The following KCNQ1OT1 variants were observed in gnomAD, a reference collection of about 807,000 sequenced individuals.
KCNQ1OT1 encodes the protein KCNQ1 antisense RNA 2 (non-protein coding).
At position 2,659,224 on chromosome 11, in the gene KCNQ1OT1, C is replaced by A. The variant is rs1321383366; in HGVS notation, n.40771G>T. The A allele has an allele frequency of 2.5e-6, 1 of 398,488 alleles. No homozygotes were observed. Among genetic ancestry groups the A allele is most frequent in the Non-Finnish European group, 4.4e-6 (1 of 226,058 alleles). The allele number at this position is 398,488 out of a possible 1,614,324, so 24.7% of individuals were successfully genotyped here. On this transcript the variant is annotated non_coding_transcript_exon_variant, in exon 1 of 1. Transcript: ENST00000597346. The surrounding 1 kb of genome is among the most constrained non-coding windows in gnomAD (Gnocchi z 4.3). ...CAGTATCATTCACAGAAGTTCCATA[C>A]CCCTAAAAATACCCTGGGGTGAGTC...
In KCNQ1OT1 at chr11:2,659,910, G is replaced by A. The variant is rs1849920860; in HGVS notation, n.40085C>T. The A allele has an allele frequency of 2.5e-6, 1 of 398,242 alleles. No homozygotes were observed. The highest frequency in any genetic ancestry group is 4.4e-5 in the Admixed American group (1 of 22,728). 24.7% of individuals were successfully genotyped at this position (398,242 alleles called of 1,614,324 possible). A position where few individuals can be genotyped will look rare whatever the true frequency, so the allele number is the denominator to read the frequency against. On this transcript the variant is annotated non_coding_transcript_exon_variant, in exon 1 of 1. Transcript: ENST00000597346. The surrounding 1 kb of genome is among the most constrained non-coding windows in gnomAD (Gnocchi z 4.3). Reference sequence around the variant, plus strand: ...GGATTGTTCACTTTATTGTCAAGTTGTAAGCATTCTTTATATATTCTGAGT... The same window carrying A: ...GGATTGTTCACTTTATTGTCAAGTTATAAGCATTCTTTATATATTCTGAGT...
At position 2,613,993 on chromosome 11, in the gene KCNQ1OT1, T is replaced by C. The variant is rs970351170; in HGVS notation, n.86002A>G. 5 of 398,524 alleles carry C rather than the reference T, an allele frequency of 1.3e-5. No individual in the cohort carries two copies. In the Admixed American group the frequency reaches 1.8e-4, roughly 14 times the overall value. 24.7% of individuals were successfully genotyped at this position (398,524 alleles called of 1,614,324 possible). On this transcript the variant is annotated non_coding_transcript_exon_variant, in exon 1 of 1. Coordinates refer to ENST00000597346, the Ensembl canonical transcript of KCNQ1OT1. The surrounding 1 kb of genome is among the most constrained non-coding windows in gnomAD (Gnocchi z 4.8). ...CACTCAACATCCATTCACAGAGATCTTTCTCATTGCATTGCTAAAGTTGCA... is the reference window on the plus strand; with the variant it reads ...CACTCAACATCCATTCACAGAGATCCTTCTCATTGCATTGCTAAAGTTGCA...
chr11:2,648,450 T>C, exon 1 of KCNQ1OT1: 1 of 398,544 alleles, frequency 2.5e-6, no homozygotes, highest in Non-Finnish European at 4.4e-6. Context: ...TTGTACCCTA[T>C]ACATTTTTGT....
rs975621899 is a variant in KCNQ1OT1 at position 2,695,801 on chromosome 11, T to C, written n.4194A>G. 4 of 398,680 alleles carry C rather than the reference T, an allele frequency of 1.0e-5. No individual in the cohort carries two copies. The highest frequency in any genetic ancestry group is 1.3e-4 in the South Asian group (1 of 7,866). 24.7% of individuals were successfully genotyped at this position (398,680 alleles called of 1,614,324 possible). ...TTTCTAATGCTTCTCCTATGAAGAA[T>C]AGCTGTTGCTTTCATTTACATTTCT... On this transcript the variant is annotated non_coding_transcript_exon_variant, in exon 1 of 1. Coordinates refer to ENST00000597346, the Ensembl canonical transcript of KCNQ1OT1. This position sits in a 1 kb window ranked among gnomAD's most constrained non-coding sequence, Gnocchi z 5.2.
chr11:2,654,802 CT>C lies in KCNQ1OT1; in HGVS notation n.45192del. The C allele has an allele frequency of 2.5e-6, 1 of 398,568 alleles. No homozygotes were observed. Among genetic ancestry groups the C allele is most frequent in the East Asian group, 3.6e-5 (1 of 28,048 alleles). The allele number at this position is 398,568 out of a possible 1,614,324, so 24.7% of individuals were successfully genotyped here. On this transcript the variant is annotated non_coding_transcript_exon_variant, in exon 1 of 1. Transcript: ENST00000597346. This position sits in a 1 kb window ranked among gnomAD's most constrained non-coding sequence, Gnocchi z 6.4. ...CCAGAATTTCTTGGGAACAGAAAGCCTCAAAGACTTTCATGATAGGAGAGCT... is the reference window on the plus strand; with the variant it reads ...CCAGAATTTCTTGGGAACAGAAAGCCCAAAGACTTTCATGATAGGAGAGCT...
rs3831584 is a variant in KCNQ1OT1 at position 2,682,475 on chromosome 11, C to CGAGTGAGTGAGTGAGTGAGT, written n.17500_17519dup. 206 of 394,094 alleles carry CGAGTGAGTGAGTGAGTGAGT rather than the reference C, an allele frequency of 5.2e-4. No homozygotes were observed. Among genetic ancestry groups the CGAGTGAGTGAGTGAGTGAGT allele is most frequent in the African/African-American group, 3.6e-3 (174 of 47,818 alleles). 24.4% of individuals were successfully genotyped at this position (394,094 alleles called of 1,614,324 possible). A position where few individuals can be genotyped will look rare whatever the true frequency, so the allele number is the denominator to read the frequency against. ...TCACGGACCCTCAGTGAATGTTTGACGAGTGAGTGAGTGAGTGAGTGAGTG... is the reference window on the plus strand; with the variant it reads ...TCACGGACCCTCAGTGAATGTTTGACGAGTGAGTGAGTGAGTGAGTGAGTGAGTGAGTGAGTGAGTGAGTG... On this transcript the variant is annotated non_coding_transcript_exon_variant, in exon 1 of 1. Coordinates refer to ENST00000597346, the Ensembl canonical transcript of KCNQ1OT1. The surrounding 1 kb of genome is among the most constrained non-coding windows in gnomAD (Gnocchi z 5.8).
chr11:2,677,062 G>A lies in KCNQ1OT1; in HGVS notation n.22933C>T. 1 of 398,604 alleles carries A rather than the reference G, an allele frequency of 2.5e-6. No individual in the cohort carries two copies. Among genetic ancestry groups the A allele is most frequent in the Non-Finnish European group, 4.4e-6 (1 of 226,056 alleles). 24.7% of individuals were successfully genotyped at this position (398,604 alleles called of 1,614,324 possible). Reference sequence around the variant, plus strand: ...TATGTAGGGCAGCTAAAAAACAGCAGCCATTAACCATTCAAATATATTCAC... The same window carrying A: ...TATGTAGGGCAGCTAAAAAACAGCAACCATTAACCATTCAAATATATTCAC... On this transcript the variant is annotated non_coding_transcript_exon_variant, in exon 1 of 1. Transcript: ENST00000597346. This position sits in a 1 kb window ranked among gnomAD's most constrained non-coding sequence, Gnocchi z 4.5.
In KCNQ1OT1 at chr11:2,663,470, T is replaced by C. The variant is rs750581016; in HGVS notation, n.36525A>G. 5 of 398,702 alleles carry C rather than the reference T, an allele frequency of 1.3e-5. No homozygotes were observed. Among genetic ancestry groups the C allele is most frequent in the Non-Finnish European group, 1.8e-5 (4 of 226,118 alleles). 24.7% of individuals were successfully genotyped at this position (398,702 alleles called of 1,614,324 possible). ...TCCAAAGTGATCAGTGTTAGTTTAG[T>C]GGCTCATGTTGTGTGCAATACAGGT... On this transcript the variant is annotated non_coding_transcript_exon_variant, in exon 1 of 1. Coordinates refer to ENST00000597346, the Ensembl canonical transcript of KCNQ1OT1. The surrounding 1 kb of genome is among the most constrained non-coding windows in gnomAD (Gnocchi z 5.2).
In KCNQ1OT1 at chr11:2,690,449, A is replaced by G. The variant is rs777815545; in HGVS notation, n.9546T>C. The stretch of plus-strand genomic sequence containing the variant: ...TCCTGGGAGCTAGAGCTGGGTTAAG[A>G]TAAGAGCAGAGACTGGGTCCTGGGA... On this transcript the variant is annotated non_coding_transcript_exon_variant, in exon 1 of 1. Coordinates refer to ENST00000597346, the Ensembl canonical transcript of KCNQ1OT1. The surrounding 1 kb of genome is among the most constrained non-coding windows in gnomAD (Gnocchi z 5.1). 2.5e-6 allele frequency: 1 copy of G among 398,632 alleles called. No individual in the cohort carries two copies. Among genetic ancestry groups the G allele is most frequent in the Non-Finnish European group, 4.4e-6 (1 of 226,100 alleles). 24.7% of individuals were successfully genotyped at this position (398,632 alleles called of 1,614,324 possible). A position where few individuals can be genotyped will look rare whatever the true frequency, so the allele number is the denominator to read the frequency against.
In KCNQ1OT1 at chr11:2,671,688, C is replaced by T. The variant is rs188010792; in HGVS notation, n.28307G>A. 1.0e-5 allele frequency: 4 copies of T among 398,690 alleles called. No homozygotes were observed. The highest frequency in any genetic ancestry group is 8.8e-5 in the Admixed American group (2 of 22,728). The allele number at this position is 398,690 out of a possible 1,614,324, so 24.7% of individuals were successfully genotyped here. On this transcript the variant is annotated non_coding_transcript_exon_variant, in exon 1 of 1. Transcript: ENST00000597346. This position sits in a 1 kb window ranked among gnomAD's most constrained non-coding sequence, Gnocchi z 4.7. ...AGAGAGCAGGGGTGACTTTGCAAGG[C>T]AATAGAGGGTACTTGGGAAGTAGGG... is the stretch of plus-strand genomic sequence containing the variant.
chr11:2,675,438 A>T, exon 1 of KCNQ1OT1: 1 of 398,684 alleles, frequency 2.5e-6, no homozygotes, highest in Non-Finnish European at 4.4e-6. Context: ...GCGTTAAAAT[A>T]AAAGATGATC....
chr11:2,625,135 A>C (rs1849242871), exon 1 of KCNQ1OT1: 1 of 398,564 alleles, frequency 2.5e-6, no homozygotes, highest in Non-Finnish European at 4.4e-6. Flanking sequence ...TCTGTTTTTA[A>C]TTTTTGAAGG....
At chr11:2,680,534 C>T (rs1850378471) in exon 1 of KCNQ1OT1, 1 of 398,320 alleles carries the variant, frequency 2.5e-6, no homozygotes, top group Non-Finnish European at 4.4e-6. Context: ...GTACATTTCT[C>T]ATGCAGTTCT....
At chr11:2,699,663 C>T (rs1460579084) in exon 1 of KCNQ1OT1, 2 of 355,604 alleles carry the variant, frequency 5.6e-6, no homozygotes, top group Non-Finnish European at 1.0e-5. Flanking sequence ...GAAGAACCCC[C>T]GGGGAGAACC....
In KCNQ1OT1 at chr11:2,676,589, G is replaced by A. The variant is rs192605042; in HGVS notation, n.23406C>T. 1.7e-4 allele frequency: 67 copies of A among 398,664 alleles called. No homozygotes were observed. Among genetic ancestry groups the A allele is most frequent in the Admixed American group, 5.7e-4 (13 of 22,740 alleles). 24.7% of individuals were successfully genotyped at this position (398,664 alleles called of 1,614,324 possible). A position where few individuals can be genotyped will look rare whatever the true frequency, so the allele number is the denominator to read the frequency against. On this transcript the variant is annotated non_coding_transcript_exon_variant, in exon 1 of 1. Coordinates refer to ENST00000597346, the Ensembl canonical transcript of KCNQ1OT1. This position sits in a 1 kb window ranked among gnomAD's most constrained non-coding sequence, Gnocchi z 4.2. ...GGACCATCATACTGGGTATTCAACA[G>A]CCAGCTCTCCAAAGAGGCCTCTAAG...
Position 2,626,814 on chromosome 11 carries a change from C to T in KCNQ1OT1, n.73181G>A, listed in dbSNP as rs1849269548. 10 of 398,620 alleles carry T rather than the reference C, an allele frequency of 2.5e-5. No individual in the cohort carries two copies. The East Asian group carries it at 3.6e-4, about 14-fold the overall frequency. 24.7% of individuals were successfully genotyped at this position (398,620 alleles called of 1,614,324 possible). A position where few individuals can be genotyped will look rare whatever the true frequency, so the allele number is the denominator to read the frequency against. Reference sequence around the variant, plus strand: ...AAGTGCTGAGATTACAGGTGTAGGCCATTGTACCTGGCCTGTAGTAAGTTT... The same window carrying T: ...AAGTGCTGAGATTACAGGTGTAGGCTATTGTACCTGGCCTGTAGTAAGTTT... On this transcript the variant is annotated non_coding_transcript_exon_variant, in exon 1 of 1. Coordinates refer to ENST00000597346, the Ensembl canonical transcript of KCNQ1OT1. The surrounding 1 kb of genome is among the most constrained non-coding windows in gnomAD (Gnocchi z 4.0).
At chr11:2,629,188 A>G (rs1202003980) in exon 1 of KCNQ1OT1, 1 of 398,216 alleles carries the variant, frequency 2.5e-6, no homozygotes, top group African/African-American at 2.1e-5. Context: ...TGAGTAGTAT[A>G]GCTATTTCGG....
Position 2,624,088 on chromosome 11 carries a change from A to C in KCNQ1OT1, n.75907T>G. On this transcript the variant is annotated non_coding_transcript_exon_variant, in exon 1 of 1. Coordinates refer to ENST00000597346, the Ensembl canonical transcript of KCNQ1OT1. This position sits in a 1 kb window ranked among gnomAD's most constrained non-coding sequence, Gnocchi z 4.9. ...ATATTGGCAAGTATTTGGTATTGTC[A>C]GTGTTTTGAATTTTGGCCATTCTAA... 1 of 398,578 alleles carries C rather than the reference A, an allele frequency of 2.5e-6. No individual in the cohort carries two copies. Among genetic ancestry groups the C allele is most frequent in the Non-Finnish European group, 4.4e-6 (1 of 226,084 alleles). The allele number at this position is 398,578 out of a possible 1,614,324, so 24.7% of individuals were successfully genotyped here. A position where few individuals can be genotyped will look rare whatever the true frequency, so the allele number is the denominator to read the frequency against.
chr11:2,663,868 C>A lies in KCNQ1OT1; in HGVS notation n.36127G>T. 2 of 398,686 alleles carry A rather than the reference C, an allele frequency of 5.0e-6. No homozygotes were observed. The highest frequency in any genetic ancestry group is 8.8e-6 in the Non-Finnish European group (2 of 226,118). 24.7% of individuals were successfully genotyped at this position (398,686 alleles called of 1,614,324 possible). A position where few individuals can be genotyped will look rare whatever the true frequency, so the allele number is the denominator to read the frequency against. The stretch of plus-strand genomic sequence containing the variant: ...GCTCCCTGGAGCCAGAGGTTACCCA[C>A]CTGCCCAAGGGTGACCCCAAGCCAG... On this transcript the variant is annotated non_coding_transcript_exon_variant, in exon 1 of 1. Transcript: ENST00000597346. This position sits in a 1 kb window ranked among gnomAD's most constrained non-coding sequence, Gnocchi z 5.2.
Sources: gnomAD v4.1 joint callset for allele counts on GRCh38, gnomAD v4.1.1 for gene constraint, Gnocchi (gnomAD v3.1) non-coding constraint, MANE v1.5 for transcripts, NCBI Gene and HGNC (gene_info 2026-07-23, HGNC 2026-07-21) for gene names.